Variants in RBFOX1 observed in about 807,000 individuals in gnomAD.
RBFOX1 encodes the protein RNA binding fox-1 homolog 1.
RBFOX1 carries 8 observed loss-of-function variants against 57.7 expected under a neutral mutation model. The observed-to-expected ratio is 0.14, with a 90% confidence interval of 0.08 to 0.25. RBFOX1 has a LOEUF of 0.25. RBFOX1 is among the 10% of genes least tolerant of loss of function. The pLI, the probability that RBFOX1 is intolerant of heterozygous loss-of-function variation, is 1.00. For missense variants in RBFOX1, 611 were observed against 548.5 expected, an observed-to-expected ratio of 1.11 and a Z score of -1.14; for synonymous variants, 326 against 222.4, an observed-to-expected ratio of 1.47 and a Z score of -4.15.
chr16:7,083,107 T>G (rs2059445672), intron 4 of RBFOX1, among the ~76,000 whole-genome samples: 1 of 152,160 alleles, frequency 6.6e-6, no homozygotes, highest in Non-Finnish European at 1.5e-5. Flanking sequence ...GAACAAGGTT[T>G]GAGGAATTGA....
intron 1 of RBFOX1, among the ~76,000 whole-genome samples, chr16:6,150,670 G>T (rs2096791091): frequency 6.6e-6 from 1 of 152,032 alleles, no homozygotes; most frequent in Non-Finnish European, 1.5e-5. Flanking sequence ...CTCATTGCTG[G>T]TCCTAATGAT....
intron 3 of RBFOX1, among the ~76,000 whole-genome samples, chr16:6,686,446 A>T (rs2059449286): frequency 6.6e-6 from 1 of 152,196 alleles, no homozygotes; most frequent in Non-Finnish European, 1.5e-5. Flanking sequence ...TTGTACTCAC[A>T]ACGCAGCTTG....
At chr16:6,043,869 G>A (rs951100848) in intron 1 of RBFOX1, among the ~76,000 whole-genome samples, 1 of 152,170 alleles carries the variant, frequency 6.6e-6, no homozygotes, top group African/African-American at 2.4e-5. Context: ...GAGTAGCAGA[G>A]AGGACCGGCC....
chr16:6,664,584 C>T (rs777397494), intron 3 of RBFOX1, among the ~76,000 whole-genome samples: 1 of 152,164 alleles, frequency 6.6e-6, no homozygotes, highest in Non-Finnish European at 1.5e-5. Context: ...CGAGAGACAG[C>T]TGCGCATGTA....
At chr16:7,468,490 G>T (rs570906078) in intron 4 of RBFOX1, among the ~76,000 whole-genome samples, 5 of 148,712 alleles carry the variant, frequency 3.4e-5, no homozygotes, top group Admixed American at 3.3e-4. Context: ...TGACAACTTG[G>T]AAATAACCCA....
chr16:5,514,323 C>T (rs750614442), intron 2 of RBFOX1, among the ~76,000 whole-genome samples: 22 of 152,220 alleles, frequency 1.4e-4, no homozygotes, highest in African/African-American at 4.8e-4. Context: ...CAGACAGGCT[C>T]GTCTGGGCAT....
intron 1 of RBFOX1, among the ~76,000 whole-genome samples, chr16:6,031,368 A>C (rs1011750572): frequency 2.6e-5 from 4 of 152,240 alleles, no homozygotes; most frequent in African/African-American, 9.6e-5. Context: ...TGCAGAGGCC[A>C]GAACAGGCAG....
At position 6,594,811 on chromosome 16, in the gene RBFOX1, C is replaced by T. The variant is rs148067315; in HGVS notation, c.-63-59792C>T. ...GTTTTTTGTTGGTTTGTTTTTGAGACGGAGTCTCATTCCGTCGCCCAGGCT... is the reference window on the plus strand; with the variant it reads ...GTTTTTTGTTGGTTTGTTTTTGAGATGGAGTCTCATTCCGTCGCCCAGGCT... On this transcript the variant is annotated intron_variant, in intron 2 of 15. Transcript: ENST00000550418. Among the ~76,000 whole-genome samples the T allele has an allele frequency of 3.4e-3, 524 of 152,162 alleles. 1 individual carries two copies. The highest frequency in any genetic ancestry group is 6.0e-3 in the Non-Finnish European group (408 of 68,012).
chr16:5,805,969 G>A (rs1049487540), intron 3 of RBFOX1, among the ~76,000 whole-genome samples: 8 of 152,194 alleles, frequency 5.3e-5, no homozygotes, highest in Non-Finnish European at 5.9e-5. Context: ...TCCTAGCACA[G>A]TGTTGATCTC....
intron 1 of RBFOX1, among the ~76,000 whole-genome samples, chr16:6,113,728 T>C (rs1356180309): frequency 6.6e-6 from 1 of 152,238 alleles, no homozygotes; most frequent in East Asian, 1.9e-4. Context: ...TTTGGAGTTA[T>C]GGGAGTGGCA....
chr16:7,000,978 A>T (rs1354247917), intron 3 of RBFOX1, among the ~76,000 whole-genome samples: 1 of 152,030 alleles, frequency 6.6e-6, no homozygotes, highest in Non-Finnish European at 1.5e-5. Context: ...CTTTTTGGAA[A>T]TTTTTATCAG....
intron 5 of RBFOX1, among the ~76,000 whole-genome samples, chr16:7,575,632 A>C (rs2093261825): frequency 6.6e-6 from 1 of 152,212 alleles, no homozygotes; most frequent in Non-Finnish European, 1.5e-5. Flanking sequence ...CCCTCCTGGC[A>C]CCTTGATTTT....
At chr16:6,031,198 G>T (rs1272016563) in intron 1 of RBFOX1, among the ~76,000 whole-genome samples, 1 of 152,176 alleles carries the variant, frequency 6.6e-6, no homozygotes, top group East Asian at 1.9e-4. Context: ...GCTGTGACCA[G>T]TGGGGAGAAG....
At chr16:7,264,721 T>C (rs1157765970) in intron 4 of RBFOX1, among the ~76,000 whole-genome samples, 4 of 152,180 alleles carry the variant, frequency 2.6e-5, no homozygotes, top group Non-Finnish European at 5.9e-5. Context: ...TTTAAAAAAA[T>C]GTAATCAACC....
intron 1 of RBFOX1, among the ~76,000 whole-genome samples, chr16:5,457,652 G>C (rs1272049175): frequency 6.6e-6 from 1 of 152,162 alleles, no homozygotes; most frequent in Non-Finnish European, 1.5e-5. Context: ...TTCTTAAGTT[G>C]TCTTAGTGCA....
At chr16:7,150,611 C>T (rs904613817) in intron 4 of RBFOX1, among the ~76,000 whole-genome samples, 2 of 152,186 alleles carry the variant, frequency 1.3e-5, no homozygotes, top group Admixed American at 6.5e-5. Flanking sequence ...ATTTTCTTCT[C>T]TATTGACAAC....
chr16:6,694,886 A>G (rs2060787424), intron 3 of RBFOX1, among the ~76,000 whole-genome samples: 1 of 151,940 alleles, frequency 6.6e-6, no homozygotes, highest in African/African-American at 2.4e-5. Flanking sequence ...GGCAACACAC[A>G]GAAGACAGCA....
chr16:6,065,631 T>C (rs1477627996), intron 1 of RBFOX1, among the ~76,000 whole-genome samples: 1 of 152,176 alleles, frequency 6.6e-6, no homozygotes, highest in Non-Finnish European at 1.5e-5. Context: ...TTCACGAACC[T>C]CCAAAGTTTC....
At chr16:6,910,412 G>A (rs2071261176) in intron 3 of RBFOX1, among the ~76,000 whole-genome samples, 1 of 152,146 alleles carries the variant, frequency 6.6e-6, no homozygotes, top group Non-Finnish European at 1.5e-5. Flanking sequence ...CTTTATCTCA[G>A]GAATTCTGTC....
Sources: gnomAD v4.1 joint callset for allele counts (sites outside exome capture counted in the v4.1 genomes callset) on GRCh38, gnomAD v4.1.1 for gene constraint, MANE v1.5 for transcripts, NCBI Gene and HGNC (gene_info 2026-07-23, HGNC 2026-07-21) for gene names.